The following MED11 variants were observed in gnomAD, a reference collection of about 807,000 sequenced individuals.
MED11 encodes mediator complex subunit 11.
MED11 carries 19 observed loss-of-function variants against 13.9 expected under a neutral mutation model. That is an observed-to-expected ratio of 1.36 (90% CI 0.95 to 2.00). The LOEUF (loss-of-function observed/expected upper bound fraction) is 2.00, where lower values mean the gene tolerates loss of function less well. MED11 is among the 30% of genes most tolerant of loss of function. The pLI is 0.00. For synonymous variants in MED11, 67 were observed against 62.1 expected (o/e 1.08, Z -0.37); for missense variants, 134 against 150.2 (o/e 0.89, Z 0.56).
intron 1 of MED11, 89 bp from the exon 2 acceptor site, chr17:4,731,687 A>G (rs1915981689): frequency 6.2e-7 from 1 of 1,606,852 alleles, no homozygotes; most frequent in Non-Finnish European, 8.5e-7. Flanking sequence ...GTGCGTGCGC[A>G]GCGAAAGGGC....
Position 4,733,199 on chromosome 17 carries a change from G to A in MED11, c.*12G>A. 1 of 1,613,992 alleles carries A rather than the reference G, an allele frequency of 6.2e-7. No homozygotes were observed. The highest frequency in any genetic ancestry group is 8.5e-7 in the Non-Finnish European group (1 of 1,179,970). On this transcript the variant is annotated 3_prime_UTR_variant, in exon 3 of 3. Transcript: ENST00000293777. ...TGCTGGAGAACTAGGCCAGGGAGATGGACCCAGAGCTGAGAGGGAGACCAT... is the reference window on the plus strand; with the variant it reads ...TGCTGGAGAACTAGGCCAGGGAGATAGACCCAGAGCTGAGAGGGAGACCAT...
Position 4,733,295 on chromosome 17 carries a change from T to A in MED11, c.*108T>A. Reference sequence around the variant, plus strand: ...TATGAGCACCAACATACCCTGCTGGTCAAAGTACCCTAGGACAAAGGGGCA... The same window carrying A: ...TATGAGCACCAACATACCCTGCTGGACAAAGTACCCTAGGACAAAGGGGCA... On this transcript the variant is annotated 3_prime_UTR_variant, in exon 3 of 3. Transcript: ENST00000293777. 7.2e-7 allele frequency: 1 copy of A among 1,385,492 alleles called. No individual in the cohort carries two copies. The highest frequency in any genetic ancestry group is 9.8e-7 in the Non-Finnish European group (1 of 1,017,766). 85.8% of individuals were successfully genotyped at this position (1,385,492 alleles called of 1,614,324 possible). A position where few individuals can be genotyped will look rare whatever the true frequency, so the allele number is the denominator to read the frequency against.
intron 1 of MED11, 55 bp downstream of exon 1, chr17:4,731,629 T>C (rs1915978846): frequency 1.2e-6 from 2 of 1,606,946 alleles, no homozygotes; most frequent in South Asian, 1.1e-5. Context: ...CGGGCTGCAC[T>C]GGCAGCCTGA....
In MED11 at chr17:4,733,333, G is replaced by C; in HGVS notation, c.*146G>C. 9.3e-7 allele frequency: 1 copy of C among 1,074,478 alleles called. No homozygotes were observed. Among genetic ancestry groups the C allele is most frequent in the Non-Finnish European group, 1.3e-6 (1 of 763,400 alleles). The allele number at this position is 1,074,478 out of a possible 1,614,324, so 66.6% of individuals were successfully genotyped here. On this transcript the variant is annotated 3_prime_UTR_variant, in exon 3 of 3. Coordinates refer to ENST00000293777, the MANE Select transcript of MED11 (RefSeq NM_001001683.4). ...GGACAAAGGGGCAAATGGTGGGCAT[G>C]GAAAAACTGAAGCCCGAGCCTGCCC...
intron 2 of MED11, 65 bp downstream of exon 2, chr17:4,731,971 G>C: frequency 6.4e-7 from 1 of 1,562,250 alleles, no homozygotes; most frequent in Non-Finnish European, 8.7e-7. Context: ...AGGCTTGGGT[G>C]ATCCAGGGTG....
At chr17:4,731,681 G>C in intron 1 of MED11, 95 bp from the exon 2 acceptor site, 1 of 1,606,132 alleles carries the variant, frequency 6.2e-7, no homozygotes, top group South Asian at 1.1e-5. Flanking sequence ...TCCTACGTGC[G>C]TGCGCAGCGA....
At position 4,733,211 on chromosome 17, in the gene MED11, G is replaced by C. The variant is rs1257493731; in HGVS notation, c.*24G>C. On this transcript the variant is annotated 3_prime_UTR_variant, in exon 3 of 3. Transcript: ENST00000293777. Reference sequence around the variant, plus strand: ...AGGCCAGGGAGATGGACCCAGAGCTGAGAGGGAGACCATCACCTGTGCCAT... The same window carrying C: ...AGGCCAGGGAGATGGACCCAGAGCTCAGAGGGAGACCATCACCTGTGCCAT... 6.2e-7 allele frequency: 1 copy of C among 1,613,574 alleles called. No homozygotes were observed. The highest frequency in any genetic ancestry group is 8.5e-7 in the Non-Finnish European group (1 of 1,179,766).
intron 2 of MED11, among the ~76,000 whole-genome samples, chr17:4,732,621 G>A (rs1916019418): frequency 6.6e-6 from 1 of 151,936 alleles, no homozygotes; most frequent in Non-Finnish European, 1.5e-5. Flanking sequence ...AATTAAAGGT[G>A]GCCCTGCATA....
Position 4,731,895 on chromosome 17 carries a change from T to C in MED11, c.205T>C (p.Tyr69His). Residue 69 changes from tyrosine (Y) to histidine (H), a missense_variant, in exon 2 of 3, where the codon TAC (tyrosine) becomes CAC (histidine). Tyr to His is a moderately conservative substitution (Grantham distance 83, BLOSUM62 2). Coordinates refer to ENST00000293777, the MANE Select transcript of MED11 (RefSeq NM_001001683.4). ...VEAELSAQIRYLTQVATGQPH... is the reference protein window; with the variant it reads ...VEAELSAQIRHLTQVATGQPH... ...GGCGGAGCTGTCAGCTCAGATCCGCTACCTCACCCAGGTCGGTGTGTCTGG... is the reference window on the plus strand; with the variant it reads ...GGCGGAGCTGTCAGCTCAGATCCGCCACCTCACCCAGGTCGGTGTGTCTGG... 1 of 1,613,760 alleles carries C rather than the reference T, an allele frequency of 6.2e-7. No homozygotes were observed. The highest frequency in any genetic ancestry group is 1.1e-5 in the South Asian group (1 of 91,056).
Position 4,733,165 on chromosome 17 carries a change from G to GC in MED11, c.332_333insC (p.Glu112Ter). 6.2e-7 allele frequency: 1 copy of GC among 1,614,184 alleles called. No individual in the cohort carries two copies. The highest frequency in any genetic ancestry group is 8.5e-7 in the Non-Finnish European group (1 of 1,180,032). On this transcript the variant is annotated frameshift_variant, in exon 3 of 3. Coordinates refer to ENST00000293777, the MANE Select transcript of MED11 (RefSeq NM_001001683.4). LOFTEE classifies it high-confidence loss of function. ...AAGCTCAGTGATGTGGCTCGAACCT[G>GC]TGAGCAGATGCTGGAGAACTAGGCC... is the stretch of plus-strand genomic sequence containing the variant.
At position 4,733,178 on chromosome 17, in the gene MED11, G is replaced by A. The variant is rs547962624; in HGVS notation, c.345G>A (p.Leu115=). ...TGGCTCGAACCTGTGAGCAGATGCTGGAGAACTAGGCCAGGGAGATGGACC... is the reference window on the plus strand; with the variant it reads ...TGGCTCGAACCTGTGAGCAGATGCTAGAGAACTAGGCCAGGGAGATGGACC... ...SDVARTCEQM[L]EN The change falls in exon 3 of 3, where the codon CTG becomes CTA. Residue 115 remains leucine, a synonymous_variant. Coordinates refer to ENST00000293777, the MANE Select transcript of MED11 (RefSeq NM_001001683.4). 1.9e-6 allele frequency: 3 copies of A among 1,614,154 alleles called. No homozygotes were observed. Among genetic ancestry groups the A allele is most frequent in the Admixed American group, 3.3e-5 (2 of 60,010 alleles).
intron 2 of MED11, chr17:4,732,524 A>G: frequency 6.3e-6 from 1 of 158,474 alleles, no homozygotes; most frequent in Non-Finnish European, 1.4e-5. Flanking sequence ...AGGTTGTTGT[A>G]CTTAGCCGAG....
At chr17:4,732,952 T>A (rs1280514200) in intron 2 of MED11, 98 bp from the exon 3 acceptor site, 2 of 1,429,036 alleles carry the variant, frequency 1.4e-6, no homozygotes, top group African/African-American at 2.8e-5. Context: ...CCAGATGGCC[T>A]AACAAATTCA....
chr17:4,731,478 C>A lies in MED11; in HGVS notation c.-12C>A. On this transcript the variant is annotated 5_prime_UTR_variant, in exon 1 of 3. Transcript: ENST00000293777. ...TGAGGAGAAACTCTTGGTGAGAATT[C>A]CCAGAGTGATAATGGCTACCTACAG... 1 of 1,613,638 alleles carries A rather than the reference C, an allele frequency of 6.2e-7. No individual in the cohort carries two copies. The highest frequency in any genetic ancestry group is 8.5e-7 in the Non-Finnish European group (1 of 1,179,730).
At position 4,731,514 on chromosome 17, in the gene MED11, G is replaced by T. The variant is rs779632398; in HGVS notation, c.25G>T (p.Glu9Ter). Reference sequence around the variant, plus strand: ...AATGGCTACCTACAGCCTGGCGAACGAGAGACTACGCGCTCTGGAAGACAT... The same window carrying T: ...AATGGCTACCTACAGCCTGGCGAACTAGAGACTACGCGCTCTGGAAGACAT... MATYSLANERLRALEDIER... is the reference protein window; with the variant it reads MATYSLAN Residue 9 changes from glutamate (E) to a stop codon, truncating the protein, a stop_gained, in exon 1 of 3, where the codon GAG becomes TAG. Transcript: ENST00000293777. LOFTEE classifies it high-confidence loss of function. 26 of 1,613,996 alleles carry T rather than the reference G, an allele frequency of 1.6e-5. No homozygotes were observed. In the African/African-American group the frequency reaches 3.1e-4, roughly 19 times the overall value.
chr17:4,733,477 T>C lies in MED11; in HGVS notation c.*290T>C. On this transcript the variant is annotated 3_prime_UTR_variant, in exon 3 of 3. Transcript: ENST00000293777. ...CCAACCCACTTCCTCAAACACTTCA[T>C]GCTGCTGCCCCAGCCTTCCCGCAGA... 3.1e-6 allele frequency: 1 copy of C among 320,196 alleles called. No homozygotes were observed. Among genetic ancestry groups the C allele is most frequent in the Non-Finnish European group, 5.8e-6 (1 of 172,764 alleles). 19.8% of individuals were successfully genotyped at this position (320,196 alleles called of 1,614,324 possible). A position where few individuals can be genotyped will look rare whatever the true frequency, so the allele number is the denominator to read the frequency against.
rs1457872114 is a variant in MED11, at chr17:4,731,778, A to G, written c.88A>G (p.Thr30Ala). ...EIGAILQNAG[T>A]VILELSKEKT... ...CCGCCCTCTCTCCGCCCTGGCAGGT[A>G]CTGTGATCCTAGAATTGTCCAAGGA... Residue 30 changes from threonine (T) to alanine (A), a missense_variant and splice_region_variant, in exon 2 of 3, where the codon ACT becomes GCT. By Grantham distance (58) the Thr-to-Ala change is moderately conservative. Transcript: ENST00000293777. 1 of 1,613,968 alleles carries G rather than the reference A, an allele frequency of 6.2e-7. No individual in the cohort carries two copies. The highest frequency in any genetic ancestry group is 2.2e-5 in the East Asian group (1 of 44,884).
rs775484598 is a variant in MED11, at chr17:4,731,767, C to T, written c.86-9C>T. ...TCCGTGTGTCCCCGCCCTCTCTCCGCCCTGGCAGGTACTGTGATCCTAGAA... is the reference window on the plus strand; with the variant it reads ...TCCGTGTGTCCCCGCCCTCTCTCCGTCCTGGCAGGTACTGTGATCCTAGAA... On this transcript the variant is annotated splice_polypyrimidine_tract_variant and intron_variant, in intron 1 of 2. Transcript: ENST00000293777. 6.2e-7 allele frequency: 1 copy of T among 1,613,268 alleles called. No individual in the cohort carries two copies. The highest frequency in any genetic ancestry group is 1.7e-5 in the Admixed American group (1 of 59,980).
intron 2 of MED11, 197 bp downstream of exon 2, chr17:4,732,103 C>CA: frequency 1.7e-6 from 1 of 577,924 alleles, no homozygotes; most frequent in South Asian, 2.7e-5. Context: ...GCCTGGCCAA[C>CA]ACGGTGAAAC....
Sources: gnomAD v4.1 joint callset for allele counts (sites outside exome capture counted in the v4.1 genomes callset) on GRCh38, gnomAD v4.1.1 for gene constraint, MANE v1.5 for transcripts, NCBI Gene and HGNC (gene_info 2026-07-23, HGNC 2026-07-21) for gene names.